Variants in ENOX2 observed in about 807,000 individuals in gnomAD.
The protein encoded by ENOX2 is APK1 antigen.
Under a neutral mutation model 45.0 loss-of-function variants are expected in ENOX2, and 36 were observed. The observed-to-expected ratio is 0.80, with a 90% CI of 0.61 to 1.06. The LOEUF (loss-of-function observed/expected upper bound fraction) is 1.06, where lower values mean the gene tolerates loss of function less well. Among genes scored for constraint, ENOX2 ranks in the 50% least tolerant of loss-of-function variants. The probability of loss-of-function intolerance (pLI) is 0.00; values close to 1 mark genes in which losing one functional copy is unlikely to be tolerated. For synonymous variants in ENOX2, 174 were observed against 152.3 expected, an observed-to-expected ratio of 1.14 and a Z score of -1.05; for missense variants, 423 against 462.5, an observed-to-expected ratio of 0.91 and a Z score of 0.78.
intron 2 of ENOX2, among the ~76,000 whole-genome samples, chrX:130,870,985 A>G (rs1394521372): frequency 9.1e-6 from 1 of 110,362 alleles, no homozygotes; most frequent in African/African-American, 3.3e-5. Flanking sequence ...CTTCAATGTT[A>G]CTATTCCATT....
At chrX:130,741,771 GA>G in intron 3 of ENOX2, among the ~76,000 whole-genome samples, 1 of 111,167 alleles carries the variant, frequency 9.0e-6, no homozygotes, top group African/African-American at 3.3e-5. Context: ...CTTAGTACCA[GA>G]AAAACAGATG....
chrX:130,667,636 G>A lies in ENOX2; in HGVS notation c.801C>T (p.Ala267=). 1 of 1,210,588 alleles carries A rather than the reference G, an allele frequency of 8.3e-7. No homozygotes were observed. The highest frequency in any genetic ancestry group is 1.1e-6 in the Non-Finnish European group (1 of 894,352). ...TCACCAGGCGGCGGACATGGCTGTT[G>A]GCCGACTGGATCATGGAGTAGAAGT... ...ANNFYSMIQS[A]NSHVRRLVNE... Residue 267 remains alanine (A), a synonymous_variant, in exon 8 of 15, where the codon GCC becomes GCT. Coordinates refer to ENST00000394363, the MANE Select transcript of ENOX2 (RefSeq NM_006375.4).
At chrX:130,823,569 A>G (rs2148472843) in intron 2 of ENOX2, among the ~76,000 whole-genome samples, 1 of 111,784 alleles carries the variant, frequency 8.9e-6, no homozygotes, top group South Asian at 3.8e-4. Flanking sequence ...TATGCATTTG[A>G]CCAAGAGTCA....
chrX:130,809,920 C>T (rs2077364762), intron 2 of ENOX2, among the ~76,000 whole-genome samples: 1 of 111,238 alleles, frequency 9.0e-6, no homozygotes, highest in Admixed American at 9.5e-5. Context: ...CACTCCTCTC[C>T]CCACAGAAAC....
chrX:130,887,399 T>G (rs1038790483), intron 2 of ENOX2, among the ~76,000 whole-genome samples: 1 of 97,656 alleles, frequency 1.0e-5, no homozygotes, highest in African/African-American at 3.8e-5. Context: ...ATAGCTATAA[T>G]TCAGCTTAGA....
chrX:130,902,785 GA>G lies in ENOX2; in HGVS notation c.-231+263del, dbSNP rs1361797760. 1.9e-3 allele frequency among the ~76,000 whole-genome samples: 110 copies of G among 57,076 alleles called. 2 individuals are homozygous for G. Among genetic ancestry groups the G allele is most frequent in the Middle Eastern group, 9.5e-3 (1 of 105 alleles). The allele number at this position is 57,076 out of a possible 115,157, so 49.6% of individuals were successfully genotyped here. A position where few individuals can be genotyped will look rare whatever the true frequency, so the allele number is the denominator to read the frequency against. ...CAGGGGGAGGGGGGCGGCGTCGTGGGAAAAAAAAAAAGGGGCGGGCGAGTTG... is the reference window on the plus strand; with the variant it reads ...CAGGGGGAGGGGGGCGGCGTCGTGGGAAAAAAAAAAGGGGCGGGCGAGTTG... On this transcript the variant is annotated intron_variant, in intron 1 of 14. Transcript: ENST00000394363.
chrX:130,699,389 C>T (rs1204801471), intron 4 of ENOX2, among the ~76,000 whole-genome samples: 1 of 111,875 alleles, frequency 8.9e-6, no homozygotes, highest in Non-Finnish European at 1.9e-5. Flanking sequence ...GTGAAGGAAG[C>T]TTACATTATT....
At chrX:130,831,909 GAATAATATCTGGGAC>G (rs2077838311) in intron 2 of ENOX2, among the ~76,000 whole-genome samples, 1 of 110,885 alleles carries the variant, frequency 9.0e-6, no homozygotes, top group Admixed American at 9.6e-5. Flanking sequence ...GGATTGCTCT[GAATAATATCTGGGAC>G]AATGCTATTT....
At chrX:130,725,096 C>T (rs987693108) in intron 3 of ENOX2, among the ~76,000 whole-genome samples, 2 of 111,434 alleles carry the variant, frequency 1.8e-5, no homozygotes, top group Admixed American at 9.5e-5. Flanking sequence ...TATACTAACC[C>T]GAATGCAAAA....
intron 3 of ENOX2, among the ~76,000 whole-genome samples, chrX:130,712,216 T>C: frequency 8.9e-6 from 1 of 112,100 alleles, no homozygotes; most frequent in East Asian, 2.8e-4. Context: ...GTGCTAAACA[T>C]TGTTTTAAAG....
intron 3 of ENOX2, among the ~76,000 whole-genome samples, chrX:130,768,601 A>T (rs1477064028): frequency 2.7e-5 from 3 of 111,946 alleles, no homozygotes; most frequent in Admixed American, 9.5e-5. Context: ...GTCTTTCTGG[A>T]GGTGCACAGG....
intron 4 of ENOX2, among the ~76,000 whole-genome samples, chrX:130,698,204 T>C (rs187875427): frequency 8.9e-6 from 1 of 112,266 alleles, no homozygotes; most frequent in East Asian, 2.8e-4. Context: ...TGAAGTAAAG[T>C]ACTTCTGTAA....
chrX:130,656,503 T>C (rs2036550105), intron 10 of ENOX2, 78 bp downstream of exon 10: 2 of 617,034 alleles, frequency 3.2e-6, no homozygotes, highest in Non-Finnish European at 2.6e-6. Flanking sequence ...GGCCATACCT[T>C]ACTGGGTATT....
chrX:130,850,623 G>A (rs1215438848), intron 2 of ENOX2, among the ~76,000 whole-genome samples: 2 of 111,900 alleles, frequency 1.8e-5, no homozygotes, highest in African/African-American at 6.5e-5. Context: ...AACAAATAAA[G>A]GCAAAATTCT....
intron 4 of ENOX2, among the ~76,000 whole-genome samples, chrX:130,690,358 C>T (rs1424384249): frequency 2.7e-5 from 3 of 111,463 alleles, no homozygotes; most frequent in Non-Finnish European, 5.6e-5. Context: ...AGGAGGAGCC[C>T]CACTTGCCTG....
chrX:130,854,719 C>T (rs961383465), intron 2 of ENOX2, among the ~76,000 whole-genome samples: 2 of 111,318 alleles, frequency 1.8e-5, no homozygotes, highest in Non-Finnish European at 3.8e-5. Flanking sequence ...AATAATCATA[C>T]ATCATGTCCA....
chrX:130,645,660 C>G (rs2036209772), intron 10 of ENOX2: 1 of 461,360 alleles, frequency 2.2e-6, no homozygotes, highest in Non-Finnish European at 3.6e-6. Context: ...GGCTGCCCAG[C>G]ACCTAAGGGC....
chrX:130,884,183 G>A (rs1454301704), intron 2 of ENOX2, among the ~76,000 whole-genome samples: 1 of 112,046 alleles, frequency 8.9e-6, no homozygotes, highest in African/African-American at 3.2e-5. Context: ...TGATAAAAGG[G>A]CTTCATATCA....
intron 2 of ENOX2, among the ~76,000 whole-genome samples, chrX:130,824,770 A>G (rs1388537732): frequency 9.0e-6 from 1 of 111,720 alleles, no homozygotes; most frequent in Non-Finnish European, 1.9e-5. Flanking sequence ...CAATAAACAC[A>G]TGGAAAGCTA....
Sources: allele counts gnomAD v4.1 joint callset (sites outside exome capture counted in the v4.1 genomes callset), GRCh38; gene constraint gnomAD v4.1.1; transcripts MANE v1.5; gene names NCBI Gene and HGNC (gene_info 2026-07-23, HGNC 2026-07-21).